CTNNA2: variants seen among roughly 807,000 people sequenced by gnomAD.
The protein encoded by CTNNA2 is catenin alpha-2.
Under a neutral mutation model 101.0 loss-of-function variants are expected in CTNNA2, and 42 were observed. That is an observed-to-expected ratio of 0.42 (90% confidence interval 0.32 to 0.54). The LOEUF (loss-of-function observed/expected upper bound fraction) is 0.54. Among genes scored for constraint, CTNNA2 ranks in the 20% least tolerant of loss-of-function variants. CTNNA2 has a pLI of 0.14. For synonymous variants in CTNNA2, 450 were observed against 456.4 expected, an observed-to-expected ratio of 0.99 and a Z score of 0.18; for missense variants, 871 against 1,223.1, an observed-to-expected ratio of 0.71 and a Z score of 4.29.
At chr2:80,486,418 A>G (rs1686587462) in intron 9 of CTNNA2, among the ~76,000 whole-genome samples, 1 of 152,206 alleles carries the variant, frequency 6.6e-6, no homozygotes, top group African/African-American at 2.4e-5. Context: ...TAGAAACCAT[A>G]ATAACCATGG....
intron 4 of CTNNA2, among the ~76,000 whole-genome samples, chr2:79,861,458 C>A (rs1222100685): frequency 6.6e-6 from 1 of 152,152 alleles, no homozygotes; most frequent in Non-Finnish European, 1.5e-5. Flanking sequence ...TGTCGTTCAG[C>A]CTCTAAAAAT....
At chr2:80,381,404 A>G (rs1051613235) in intron 7 of CTNNA2, among the ~76,000 whole-genome samples, 1 of 152,194 alleles carries the variant, frequency 6.6e-6, no homozygotes, top group Non-Finnish European at 1.5e-5. Context: ...TTTCTGTGCT[A>G]GTTCCCTCAT....
Position 79,829,583 on chromosome 2 carries a change from A to T in CTNNA2, c.299-28430A>T, listed in dbSNP as rs1319955683. On this transcript the variant is annotated intron_variant, in intron 3 of 18. Coordinates refer to ENST00000402739, the MANE Select transcript of CTNNA2 (RefSeq NM_001282597.3). ...AGACTCCATCTCAAATAAAATAATT[A>T]AAAAAAAGAAAACCTTCCCCTATAA... Among the ~76,000 whole-genome samples the T allele has an allele frequency of 2.6e-5, 4 of 151,502 alleles. No individual in the cohort carries two copies. In the East Asian group the frequency reaches 5.9e-4, roughly 22 times the overall value.
At position 80,162,528 on chromosome 2, in the gene CTNNA2, T is replaced by C. The variant is rs1029488678; in HGVS notation, c.1057-230683T>C. ...TAGTCATGGCTCCAGCCATCATGAT[T>C]CCTATCTTCATAGAAGAAATCATCT... On this transcript the variant is annotated intron_variant, in intron 7 of 18. Transcript: ENST00000402739. 6 of 1,603,964 alleles carry C rather than the reference T, an allele frequency of 3.7e-6. No homozygotes were observed. The African/African-American group carries it at 6.7e-5, about 18-fold the overall frequency.
At chr2:80,245,440 G>A (rs1671247055) in intron 7 of CTNNA2, among the ~76,000 whole-genome samples, 1 of 151,914 alleles carries the variant, frequency 6.6e-6, no homozygotes, top group African/African-American at 2.4e-5. Context: ...TTAACCAGGG[G>A]GTGAATATTT....
At chr2:79,242,969 AATATATAT>A (rs137898899) in intron 2 of CTNNA2, among the ~76,000 whole-genome samples, 28 of 127,354 alleles carry the variant, frequency 2.2e-4, no homozygotes, top group African/African-American at 7.6e-4. Context: ...CCTGTCTCGA[AATATATAT>A]ATATATATAT....
chr2:79,257,532 C>A, intron 2 of CTNNA2, among the ~76,000 whole-genome samples: 1 of 148,366 alleles, frequency 6.7e-6, no homozygotes, highest in African/African-American at 2.5e-5. Context: ...GAAAGTGGTA[C>A]TTAAATAAAA....
At chr2:79,921,743 G>C (rs1440987028) in intron 7 of CTNNA2, among the ~76,000 whole-genome samples, 1 of 152,158 alleles carries the variant, frequency 6.6e-6, no homozygotes, top group Non-Finnish European at 1.5e-5. Context: ...TTTGAATGCA[G>C]CTGAGAGACT....
chr2:79,300,837 T>C (rs1035907064), intron 2 of CTNNA2, among the ~76,000 whole-genome samples: 1 of 152,186 alleles, frequency 6.6e-6, no homozygotes, highest in Admixed American at 6.5e-5. Context: ...GTAAATCTTA[T>C]GTCAGTCTTC....
intron 2 of CTNNA2, among the ~76,000 whole-genome samples, chr2:79,696,387 T>C (rs1684654993): frequency 1.3e-5 from 2 of 152,062 alleles, no homozygotes; most frequent in African/African-American, 4.8e-5. Flanking sequence ...AACCCATAAC[T>C]GGGAACTGCA....
chr2:80,232,135 G>A (rs536096355), intron 7 of CTNNA2, among the ~76,000 whole-genome samples: 13 of 151,990 alleles, frequency 8.6e-5, no homozygotes, highest in Non-Finnish European at 1.9e-4. Flanking sequence ...CTACCTTTCT[G>A]GACCAAACCA....
chr2:79,449,758 T>C (rs1031674467), intron 4 of CTNNA2, among the ~76,000 whole-genome samples: 1 of 152,018 alleles, frequency 6.6e-6, no homozygotes, highest in Non-Finnish European at 1.5e-5. Context: ...GAGCCATTAA[T>C]GCACCAGCAC....
chr2:79,442,044 C>A (rs942365818), intron 4 of CTNNA2, among the ~76,000 whole-genome samples: 1 of 152,240 alleles, frequency 6.6e-6, no homozygotes, highest in South Asian at 2.1e-4. Flanking sequence ...CTCTAACATA[C>A]CACAGATTTT....
intron 7 of CTNNA2, among the ~76,000 whole-genome samples, chr2:80,387,863 C>T (rs1677156371): frequency 6.6e-6 from 1 of 152,164 alleles, no homozygotes; most frequent in Non-Finnish European, 1.5e-5. Context: ...CATGCATCTC[C>T]CTAGCACAAC....
intron 11 of CTNNA2, among the ~76,000 whole-genome samples, chr2:80,552,348 C>T (rs1171990142): frequency 1.3e-5 from 2 of 152,034 alleles, no homozygotes; most frequent in Admixed American, 1.3e-4. Context: ...AAAAAACCCA[C>T]CAATCTGTGA....
At chr2:79,275,424 A>G (rs1306864919) in intron 2 of CTNNA2, among the ~76,000 whole-genome samples, 1 of 152,060 alleles carries the variant, frequency 6.6e-6, no homozygotes, top group Non-Finnish European at 1.5e-5. Flanking sequence ...AAGGTACTGA[A>G]GAGAAAATGT....
At chr2:79,239,037 G>A (rs1362035769) in intron 2 of CTNNA2, among the ~76,000 whole-genome samples, 1 of 152,114 alleles carries the variant, frequency 6.6e-6, no homozygotes, top group African/African-American at 2.4e-5. Context: ...TGCTATGGTG[G>A]TTTGCTGCAC....
intron 7 of CTNNA2, among the ~76,000 whole-genome samples, chr2:80,286,166 G>A (rs1489036098): frequency 2.0e-5 from 3 of 152,138 alleles, no homozygotes; most frequent in African/African-American, 7.2e-5. Flanking sequence ...TTTATGCCGT[G>A]TTTGGTTATT....
In CTNNA2 at chr2:80,174,303, T is replaced by C. The variant is rs898110809; in HGVS notation, c.1057-218908T>C. On this transcript the variant is annotated intron_variant, in intron 7 of 18. Coordinates refer to ENST00000402739, the MANE Select transcript of CTNNA2 (RefSeq NM_001282597.3). ...TAATATTGAAAATGGAAGTTGTTAC[T>C]AAACTTGGGAACTGAGCATACCTTG... Among the ~76,000 whole-genome samples, 14 of 152,334 alleles carry C rather than the reference T, an allele frequency of 9.2e-5. No homozygotes were observed. The East Asian group carries it at 2.7e-3, about 29-fold the overall frequency.
Sources: allele counts gnomAD v4.1 joint callset (sites outside exome capture counted in the v4.1 genomes callset), GRCh38; gene constraint gnomAD v4.1.1; transcripts MANE v1.5; gene names NCBI Gene and HGNC (gene_info 2026-07-23, HGNC 2026-07-21).